The following PPIL1 variants were observed in gnomAD, a reference collection of about 807,000 sequenced individuals.
The protein encoded by PPIL1 is peptidyl-prolyl cis-trans isomerase-like 1.
Under a neutral mutation model 19.4 loss-of-function variants are expected in PPIL1, and 14 were observed. The ratio of observed to expected loss-of-function variants is 0.72; its 90% CI spans 0.48 to 1.13. The LOEUF (loss-of-function observed/expected upper bound fraction) is 1.13, where lower values mean the gene tolerates loss of function less well. Ranked by LOEUF, PPIL1 falls within the 50% of genes most tolerant of loss-of-function variation. The pLI, the probability that PPIL1 is intolerant of heterozygous loss-of-function variation, is 0.00. For synonymous variants in PPIL1, 72 were observed against 73.6 expected, an observed-to-expected ratio of 0.98 and a Z score of 0.11; for missense variants, 192 against 218.0, an observed-to-expected ratio of 0.88 and a Z score of 0.75.
At chr6:36,857,600 C>A (rs1774194234) in intron 2 of PPIL1, among the ~76,000 whole-genome samples, 1 of 152,060 alleles carries the variant, frequency 6.6e-6, no homozygotes, top group South Asian at 2.1e-4. Flanking sequence ...TAGGCGTGAA[C>A]CACTGCACCT....
Position 36,856,651 on chromosome 6 carries a change from C to G in PPIL1, c.215G>C (p.Arg72Pro), listed in dbSNP as rs781269670. Residue 72 changes from arginine to proline, a missense_variant, in exon 3 of 4, where the codon CGA becomes CCA. Coordinates refer to ENST00000373699, the MANE Select transcript of PPIL1 (RefSeq NM_016059.5). ...IQGGDPTGTGRGGASIYGKQF... is the reference protein window; with the variant it reads ...IQGGDPTGTGPGGASIYGKQF... ...TTTGCCATAGATAGATGCACCACCT[C>G]GACCTGCCCGATTGGAAGATGACAC... 6.2e-7 allele frequency: 1 copy of G among 1,613,950 alleles called. No homozygotes were observed. The highest frequency in any genetic ancestry group is 1.1e-5 in the South Asian group (1 of 91,074).
chr6:36,864,391 C>T (rs1184932628), intron 2 of PPIL1, among the ~76,000 whole-genome samples: 1 of 152,158 alleles, frequency 6.6e-6, no homozygotes, highest in African/African-American at 2.4e-5. Flanking sequence ...GGCCCCTGTG[C>T]TGTTTCCTGC....
chr6:36,855,922 C>A lies in PPIL1; in HGVS notation c.392G>T (p.Arg131Leu), dbSNP rs765668519. 1 of 1,614,184 alleles carries A rather than the reference C, an allele frequency of 6.2e-7. No homozygotes were observed. Among genetic ancestry groups the A allele is most frequent in the East Asian group, 2.2e-5 (1 of 44,888 alleles). Residue 131 changes from arginine to leucine, a missense_variant, in exon 4 of 4, where the codon CGA becomes CTA. By Grantham distance (102) the Arg-to-Leu change is moderately radical (BLOSUM62 -2). Transcript: ENST00000373699. Reference sequence around the variant, plus strand: ...CACCATTCCTATGCCCTGACACACTCGGCCAAAAATGGTGTGTTTGCCGTC... The same window carrying A: ...CACCATTCCTATGCCCTGACACACTAGGCCAAAAATGGTGTGTTTGCCGTC... ...WLDGKHTIFG[R>L]VCQGIGMVNR...
chr6:36,855,720 CA>C lies in PPIL1; in HGVS notation c.*92del, dbSNP rs1774151091. 1 of 1,357,584 alleles carries C rather than the reference CA, an allele frequency of 7.4e-7. No homozygotes were observed. Among genetic ancestry groups the C allele is most frequent in the African/African-American group, 1.5e-5 (1 of 66,428 alleles). 84.1% of individuals were successfully genotyped at this position (1,357,584 alleles called of 1,614,324 possible). On this transcript the variant is annotated 3_prime_UTR_variant, in exon 4 of 4. Coordinates refer to ENST00000373699, the MANE Select transcript of PPIL1 (RefSeq NM_016059.5). ...TCCTAAGCTTCATGACTTGCAAAGC[CA>C]AAATGAATTTAGCATTACATGTCAT...
rs764025895 is a variant in PPIL1 at position 36,874,796 on chromosome 6, T to G, written c.-24A>C. 1.2e-6 allele frequency: 2 copies of G among 1,613,322 alleles called. No homozygotes were observed. Among genetic ancestry groups the G allele is most frequent in the African/African-American group, 1.3e-5 (1 of 75,030 alleles). On this transcript the variant is annotated 5_prime_UTR_variant, in exon 1 of 4. Coordinates refer to ENST00000373699, the MANE Select transcript of PPIL1 (RefSeq NM_016059.5). ...ATAGCGAAGCCGGCGGCGGAATGCT[T>G]GTCTAGTAATTGCTACTTCCGGCGT...
intron 1 of PPIL1, 138 bp downstream of exon 1, chr6:36,874,579 G>C (rs1266607292): frequency 1.7e-6 from 2 of 1,194,366 alleles, no homozygotes; most frequent in African/African-American, 3.1e-5. Flanking sequence ...CAACCCTCTG[G>C]GGGCCGTCTC....
chr6:36,865,810 A>T (rs1307302704), intron 2 of PPIL1, among the ~76,000 whole-genome samples: 11 of 152,218 alleles, frequency 7.2e-5, no homozygotes, highest in Non-Finnish European at 1.5e-5. Flanking sequence ...TGCAAGGAAA[A>T]AGAAAATGCC....
intron 2 of PPIL1, among the ~76,000 whole-genome samples, chr6:36,863,244 T>C (rs1221881747): frequency 6.6e-6 from 1 of 152,184 alleles, no homozygotes; most frequent in African/African-American, 2.4e-5. Flanking sequence ...AGTTCCTCTG[T>C]CCTCAAATTT....
intron 2 of PPIL1, 65 bp from the exon 3 acceptor site, chr6:36,856,719 T>C: frequency 1.4e-6 from 2 of 1,434,376 alleles, no homozygotes; most frequent in South Asian, 1.1e-5. Context: ...GCAAGAATGA[T>C]GGCCCAGGGT....
intron 1 of PPIL1, among the ~76,000 whole-genome samples, chr6:36,874,262 T>A (rs780597788): frequency 2.0e-5 from 3 of 152,212 alleles, no homozygotes; most frequent in African/African-American, 7.2e-5. Flanking sequence ...GTGGGGAAAA[T>A]GTGCTTCTTC....
chr6:36,872,865 C>T (rs563014151), intron 1 of PPIL1, among the ~76,000 whole-genome samples: 241 of 152,334 alleles, frequency 1.6e-3, no homozygotes, highest in African/African-American at 5.5e-3. Context: ...CTGCCTTGGC[C>T]TCCCAAAGTG....
chr6:36,863,399 C>T (rs1311688573), intron 2 of PPIL1, among the ~76,000 whole-genome samples: 1 of 152,126 alleles, frequency 6.6e-6, no homozygotes, highest in Non-Finnish European at 1.5e-5. Context: ...ACCTCCCTTC[C>T]CTAAGACACT....
At chr6:36,873,108 G>A (rs1774553168) in intron 1 of PPIL1, among the ~76,000 whole-genome samples, 1 of 152,212 alleles carries the variant, frequency 6.6e-6, no homozygotes, top group Non-Finnish European at 1.5e-5. Context: ...TTTCCCTCAT[G>A]AAGCTTACAT....
intron 2 of PPIL1, 118 bp from the exon 3 acceptor site, chr6:36,856,772 C>T: frequency 1.2e-6 from 1 of 804,388 alleles, no homozygotes; most frequent in Non-Finnish European, 2.1e-6. Context: ...GGCAGTGACA[C>T]CTACCCCACT....
intron 2 of PPIL1, among the ~76,000 whole-genome samples, chr6:36,860,058 C>T (rs942719243): frequency 6.6e-6 from 1 of 151,998 alleles, no homozygotes; most frequent in Non-Finnish European, 1.5e-5. Context: ...CAATCTTGAC[C>T]TCATGATCTG....
In PPIL1 at chr6:36,871,837, T is replaced by C; in HGVS notation, c.92A>G (p.His31Arg). The C allele has an allele frequency of 4.3e-6, 7 of 1,610,714 alleles. No homozygotes were observed. The South Asian group carries it at 4.4e-5, about 10-fold the overall frequency. The change falls in exon 2 of 4, where the codon CAT becomes CGT. Residue 31 changes from histidine to arginine, a missense_variant. Coordinates refer to ENST00000373699, the MANE Select transcript of PPIL1 (RefSeq NM_016059.5). ...AAAGTTCTTACAGGTCTTTGGAGCA[T>C]GCTTCCAGTACAGCTCCAGCACAAT... is the stretch of plus-strand genomic sequence containing the variant. ...GIIVLELYWK[H>R]APKTCKNFAE...
chr6:36,869,048 C>G (rs1350404899), intron 2 of PPIL1, among the ~76,000 whole-genome samples: 4 of 151,748 alleles, frequency 2.6e-5, no homozygotes, highest in Non-Finnish European at 5.9e-5. Flanking sequence ...GCAGTGGGCA[C>G]AATCATGGCT....
At chr6:36,872,539 A>C (rs1774534719) in intron 1 of PPIL1, among the ~76,000 whole-genome samples, 1 of 152,186 alleles carries the variant, frequency 6.6e-6, no homozygotes, top group Non-Finnish European at 1.5e-5. Flanking sequence ...GATAAGGAAG[A>C]GGCAAGAGAA....
At position 36,860,382 on chromosome 6, in the gene PPIL1, A is replaced by C. The variant is rs560721129; in HGVS notation, c.212-3728T>G. On this transcript the variant is annotated intron_variant, in intron 2 of 3. Coordinates refer to ENST00000373699, the MANE Select transcript of PPIL1 (RefSeq NM_016059.5). Reference sequence around the variant, plus strand: ...GTGGCTGAGGTGAGAGGATCACTCAAGCCCAGTAGGTCGAGGCTAGAGTGA... The same window carrying C: ...GTGGCTGAGGTGAGAGGATCACTCACGCCCAGTAGGTCGAGGCTAGAGTGA... 5.3e-4 allele frequency among the ~76,000 whole-genome samples: 81 copies of C among 152,212 alleles called. 1 individual carries two copies. The highest frequency in any genetic ancestry group is 1.7e-3 in the African/African-American group (70 of 41,526).
Sources: allele counts gnomAD v4.1 joint callset (sites outside exome capture counted in the v4.1 genomes callset), GRCh38; gene constraint gnomAD v4.1.1; transcripts MANE v1.5; gene names NCBI Gene and HGNC (gene_info 2026-07-23, HGNC 2026-07-21).